The following PRSS23 variants were observed in gnomAD, a reference collection of about 807,000 sequenced individuals.
PRSS23 encodes protease, serine 23.
PRSS23 carries 25 observed loss-of-function variants against 34.7 expected under a neutral mutation model. The observed-to-expected ratio is 0.72, with a 90% confidence interval of 0.53 to 1.01. The LOEUF (loss-of-function observed/expected upper bound fraction) is 1.01. Ranked by LOEUF, PRSS23 falls within the 50% of genes least tolerant of loss-of-function variation. The pLI is 0.00. For synonymous variants in PRSS23, 176 were observed against 186.6 expected (o/e 0.94, Z 0.46); for missense variants, 445 against 475.6 (o/e 0.94, Z 0.60).
chr11:86,894,845 C>A (rs1948864340), intron 2 of PRSS23, among the ~76,000 whole-genome samples: 1 of 152,192 alleles, frequency 6.6e-6, no homozygotes, highest in African/African-American at 2.4e-5. Context: ...TGTCTTATCT[C>A]TTCTGTAGGC....
intron 2 of PRSS23, among the ~76,000 whole-genome samples, chr11:86,908,147 T>C (rs1432329744): frequency 6.6e-6 from 1 of 152,254 alleles, no homozygotes; most frequent in Non-Finnish European, 1.5e-5. Flanking sequence ...ATGTCAGCTA[T>C]TGTGAATAAT....
At chr11:86,826,400 G>C (rs886855306) in intron 2 of PRSS23, among the ~76,000 whole-genome samples, 1 of 152,242 alleles carries the variant, frequency 6.6e-6, no homozygotes, top group East Asian at 1.9e-4. Flanking sequence ...GCGCTGAGAC[G>C]ATGGGGTTTT....
At chr11:86,917,812 A>T (rs17758621) in intron 2 of PRSS23, among the ~76,000 whole-genome samples, 6,206 of 152,310 alleles carry the variant, frequency 0.041, 142 homozygotes, top group South Asian at 0.087. Flanking sequence ...ACAGTAATGT[A>T]TGAAAGTATA....
At chr11:86,926,775 G>A (rs374974313) in intron 2 of PRSS23, among the ~76,000 whole-genome samples, 1 of 152,144 alleles carries the variant, frequency 6.6e-6, no homozygotes, top group African/African-American at 2.4e-5. Context: ...GTTTCCCCTC[G>A]CATTTTTCCC....
upstream of PRSS23, among the ~76,000 whole-genome samples, chr11:86,797,597 A>C (rs567488445): frequency 9.9e-5 from 15 of 152,136 alleles, no homozygotes; most frequent in Non-Finnish European, 2.2e-4. Flanking sequence ...TTTCTCTCTG[A>C]GTGATGGGAA....
intron 2 of PRSS23, among the ~76,000 whole-genome samples, chr11:86,882,114 T>C (rs528597123): frequency 6.6e-6 from 1 of 152,360 alleles, no homozygotes; most frequent in South Asian, 2.1e-4. Context: ...TCTGCTCCAA[T>C]ATTTATTATT....
At chr11:86,850,723 A>G (rs1245979955) in intron 2 of PRSS23, among the ~76,000 whole-genome samples, 1 of 152,128 alleles carries the variant, frequency 6.6e-6, no homozygotes, top group Non-Finnish European at 1.5e-5. Flanking sequence ...TATGCTCCCA[A>G]TTCCAATTTC....
intron 2 of PRSS23, among the ~76,000 whole-genome samples, chr11:86,905,207 G>A (rs552010310): frequency 9.2e-5 from 14 of 152,202 alleles, no homozygotes; most frequent in Non-Finnish European, 1.9e-4. Context: ...GCAGAGATAG[G>A]CCTTCCTTCT....
intron 2 of PRSS23, among the ~76,000 whole-genome samples, chr11:86,878,660 A>G (rs1407660591): frequency 2.0e-5 from 3 of 151,972 alleles, no homozygotes; most frequent in Admixed American, 2.0e-4. Context: ...AAGTGCCGAG[A>G]TTGCAGCCTC....
chr11:86,841,758 A>G lies in PRSS23; in HGVS notation c.206+18165A>G, dbSNP rs142769002. Among the ~76,000 whole-genome samples, 200 of 152,352 alleles carry G rather than the reference A, an allele frequency of 1.3e-3. 1 individual carries two copies. Among genetic ancestry groups the G allele is most frequent in the African/African-American group, 4.6e-3 (190 of 41,576 alleles). The stretch of plus-strand genomic sequence containing the variant: ...AGGAAGTTGAATCTCTGAATAGACC[A>G]ATAAGAAGGTCTGAAATTGAGGCAA... On this transcript the variant is annotated intron_variant, in intron 2 of 2. Coordinates refer to the PRSS23 transcript ENST00000533902.
upstream of PRSS23, among the ~76,000 whole-genome samples, chr11:86,797,771 T>G (rs1328827846): frequency 6.6e-6 from 1 of 152,226 alleles, no homozygotes; most frequent in Non-Finnish European, 1.5e-5. Context: ...TAAGGGCTTG[T>G]TCCATGTAAG....
At chr11:86,906,163 G>A (rs1444133460) in intron 2 of PRSS23, among the ~76,000 whole-genome samples, 1 of 152,184 alleles carries the variant, frequency 6.6e-6, no homozygotes, top group Non-Finnish European at 1.5e-5. Context: ...GCCGGGGGGC[G>A]GGGGCAAGAG....
chr11:86,885,025 T>C (rs1211074501), intron 2 of PRSS23, among the ~76,000 whole-genome samples: 1 of 152,230 alleles, frequency 6.6e-6, no homozygotes, highest in African/African-American at 2.4e-5. Context: ...ATTGTGCTCA[T>C]TGGAATATTT....
At chr11:86,874,914 G>T (rs940935403) in intron 2 of PRSS23, among the ~76,000 whole-genome samples, 1 of 152,208 alleles carries the variant, frequency 6.6e-6, no homozygotes, top group African/African-American at 2.4e-5. Context: ...GCTGTGCTCA[G>T]TTGAGACTGT....
At chr11:86,819,482 C>A (rs1472782366) in intron 1 of PRSS23, among the ~76,000 whole-genome samples, 1 of 152,060 alleles carries the variant, frequency 6.6e-6, no homozygotes, top group Admixed American at 6.5e-5. Flanking sequence ...ATTACCATTC[C>A]CATTGGTTTA....
intron 2 of PRSS23, among the ~76,000 whole-genome samples, chr11:86,861,801 G>T (rs1948617570): frequency 6.6e-6 from 1 of 151,852 alleles, no homozygotes; most frequent in African/African-American, 2.4e-5. Context: ...GTCTGATAGG[G>T]TGTACACGCC....
chr11:86,873,998 G>A (rs559124742), intron 2 of PRSS23, among the ~76,000 whole-genome samples: 2 of 152,294 alleles, frequency 1.3e-5, no homozygotes, highest in South Asian at 4.1e-4. Flanking sequence ...ACATAGATTA[G>A]GGAAAATATC....
intron 2 of PRSS23, among the ~76,000 whole-genome samples, chr11:86,849,938 T>TAC (rs757009938): frequency 8.6e-5 from 13 of 151,118 alleles, no homozygotes; most frequent in Non-Finnish European, 1.5e-4. Context: ...AGGAGGAACC[T>TAC]ACCTCTTAGA....
downstream of PRSS23, among the ~76,000 whole-genome samples, chr11:86,815,731 AGTGAGTGTCTGTCTGTCTGTCATGACT>A (rs1948211007): frequency 6.6e-6 from 1 of 152,174 alleles, no homozygotes; most frequent in African/African-American, 2.4e-5. Flanking sequence ...TTTGTGAGAA[AGTGAGTGTCTGTCTGTCTGTCATGACT>A]TAGCCTGTCA....
Sources: allele counts gnomAD v4.1 joint callset (sites outside exome capture counted in the v4.1 genomes callset), GRCh38; gene constraint gnomAD v4.1.1; transcripts MANE v1.5; gene names NCBI Gene and HGNC (gene_info 2026-07-23, HGNC 2026-07-21).